CCDC57: variants seen among roughly 807,000 people sequenced by gnomAD.
The protein encoded by CCDC57 is coiled-coil domain-containing protein 57.
In CCDC57, 118 loss-of-function variants were observed where a neutral mutation model predicts 118.9. The observed-to-expected ratio is 0.99, with a 90% CI of 0.86 to 1.16. The LOEUF is 1.16. CCDC57 is among the 50% of genes most tolerant of loss of function. CCDC57 has a pLI of 0.00. For missense variants in CCDC57, 1,300 were observed against 1,320.7 expected, an observed-to-expected ratio of 0.98 and a Z score of 0.24; for synonymous variants, 527 against 532.9, an observed-to-expected ratio of 0.99 and a Z score of 0.15.
intron 16 of CCDC57, among the ~76,000 whole-genome samples, chr17:82,140,717 C>T (rs776800362): frequency 1.3e-5 from 2 of 152,180 alleles, no homozygotes; most frequent in Admixed American, 1.3e-4. Context: ...CCCATTTAGT[C>T]AGTCACCAGC....
chr17:82,138,720 CTG>C (rs1016317438), intron 16 of CCDC57, among the ~76,000 whole-genome samples: 4 of 87,120 alleles, frequency 4.6e-5, no homozygotes, highest in African/African-American at 1.6e-4. Context: ...CTGCCCCGGG[CTG>C]TGTGTGTCAG....
At chr17:82,152,629 C>T (rs926193863) in intron 15 of CCDC57, among the ~76,000 whole-genome samples, 1 of 152,258 alleles carries the variant, frequency 6.6e-6, no homozygotes, top group Non-Finnish European at 1.5e-5. Context: ...AGTGTCCAGG[C>T]CCTGGCAAGA....
exon 13 of CCDC57, chr17:82,171,782 C>G (rs1234345358): frequency 1.9e-6 from 3 of 1,613,996 alleles, no homozygotes; most frequent in Middle Eastern, 3.3e-4. Flanking sequence ...AACACATCTT[C>G]TAGATGCTTT....
intron 8 of CCDC57, 99 bp from the exon 8 acceptor site, chr17:82,184,031 G>GCGCGCGCGCGCACACACA: frequency 5.2e-4 from 69 of 131,850 alleles, no homozygotes; most frequent in Non-Finnish European, 8.4e-4. Context: ...GCGCGCGCGC[G>GCGCGCGCGCGCACACACA]CACACACACA....
chr17:82,197,734 G>T (rs1379136085), intron 4 of CCDC57, among the ~76,000 whole-genome samples: 1 of 152,170 alleles, frequency 6.6e-6, no homozygotes, highest in East Asian at 1.9e-4. Flanking sequence ...CCTGTGGATG[G>T]GCGTCATTCA....
At position 82,208,729 on chromosome 17, in the gene CCDC57, T is replaced by G. The variant is rs118123028; in HGVS notation, c.-210-681A>C. On this transcript the variant is annotated intron_variant, in intron 1 of 19. Coordinates refer to ENST00000665763, the Ensembl canonical transcript of CCDC57. Reference sequence around the variant, plus strand: ...TTTTAAATTTCTTGTAGAGATGGGGTTCCACTATATTGTCCAGCCTGGTCT... The same window carrying G: ...TTTTAAATTTCTTGTAGAGATGGGGGTCCACTATATTGTCCAGCCTGGTCT... 3.2e-3 allele frequency among the ~76,000 whole-genome samples: 491 copies of G among 151,942 alleles called. 14 individuals are homozygous for G. In the East Asian group the frequency reaches 0.082, roughly 25 times the overall value.
In CCDC57 at chr17:82,194,150, T is replaced by C. The variant is rs374234482; in HGVS notation, c.619-11A>G. The C allele has an allele frequency of 2.6e-4, 413 of 1,606,742 alleles. 1 individual carries two copies. The African/African-American group carries it at 4.6e-3, about 18-fold the overall frequency. Reference sequence around the variant, plus strand: ...GTGCAGTAGTTTAACCTTTGAATGATAAAAATGAGTTCAAAATGAGGTGAT... The same window carrying C: ...GTGCAGTAGTTTAACCTTTGAATGACAAAAATGAGTTCAAAATGAGGTGAT... On this transcript the variant is annotated splice_polypyrimidine_tract_variant and intron_variant, in intron 5 of 19. Transcript: ENST00000665763.
intron 16 of CCDC57, among the ~76,000 whole-genome samples, chr17:82,136,150 G>A (rs915140467): frequency 1.2e-4 from 19 of 152,096 alleles, no homozygotes; most frequent in African/African-American, 4.6e-4. Context: ...AATGTTCACA[G>A]CAATATTATT....
chr17:82,138,691 G>A (rs1023146440), intron 16 of CCDC57, among the ~76,000 whole-genome samples: 1 of 151,928 alleles, frequency 6.6e-6, no homozygotes, highest in African/African-American at 2.4e-5. Context: ...CCTGCCCCGG[G>A]TCGGAAGAGA....
intron 15 of CCDC57, chr17:82,154,334 C>T (rs972381887): frequency 6.6e-6 from 1 of 152,412 alleles, no homozygotes; most frequent in East Asian, 1.9e-4. Context: ...TGGCTAGGGC[C>T]GTGGAAGGGG....
At chr17:82,180,929 C>T (rs567800978) in intron 9 of CCDC57, among the ~76,000 whole-genome samples, 9 of 152,232 alleles carry the variant, frequency 5.9e-5, no homozygotes, top group Non-Finnish European at 1.2e-4. Flanking sequence ...GATGAACACA[C>T]GAGCGGTGCG....
exon 9 of CCDC57, chr17:82,183,916 A>G: frequency 6.2e-7 from 1 of 1,613,608 alleles, no homozygotes; most frequent in Non-Finnish European, 8.5e-7. Context: ...TTTACAGTTG[A>G]TGCATCTTCA....
At chr17:82,125,358 G>T (rs1322345326) in intron 19 of CCDC57, among the ~76,000 whole-genome samples, 1 of 151,804 alleles carries the variant, frequency 6.6e-6, no homozygotes, top group Non-Finnish European at 1.5e-5. Flanking sequence ...GGCAACATAG[G>T]GAGACACCAT....
Position 82,183,770 on chromosome 17 carries a change from T to C in CCDC57, c.1211+4A>G, listed in dbSNP as rs368509866. The C allele has an allele frequency of 1.5e-5, 23 of 1,553,822 alleles. No individual in the cohort carries two copies. The highest frequency in any genetic ancestry group is 1.7e-5 in the Non-Finnish European group (20 of 1,148,032). ...AATGGAAACATCTGCCTGGGGACAG[T>C]TACCTTTCAATGTCCTGCTGGGATC... is the stretch of plus-strand genomic sequence containing the variant. On this transcript the variant is annotated splice_donor_region_variant and intron_variant, in intron 9 of 19. Transcript: ENST00000665763.
chr17:82,171,640 G>A, intron 13 of CCDC57, 61 bp downstream of exon 12: 6 of 1,558,100 alleles, frequency 3.9e-6, no homozygotes, highest in African/African-American at 1.4e-5. Context: ...GCGGACTTTT[G>A]CAGGGGTCAG....
Position 82,178,670 on chromosome 17 carries a change from C to T in CCDC57, c.1375-65G>A, listed in dbSNP as rs909120173. On this transcript the variant is annotated intron_variant, in intron 10 of 19. Transcript: ENST00000665763. ...CGGGCAGCTCCCATGCCTGCTGAGG[C>T]TCCAATGGCACACATAGGTGGGAGA... is the stretch of plus-strand genomic sequence containing the variant. The T allele has an allele frequency of 5.1e-6, 8 of 1,576,988 alleles. No individual in the cohort carries two copies. The African/African-American group carries it at 1.1e-4, about 21-fold the overall frequency.
chr17:82,158,092 T>TGCCCTCA, intron 14 of CCDC57, 144 bp from the exon 14 acceptor site: 1 of 1,436,460 alleles, frequency 7.0e-7, no homozygotes, highest in Non-Finnish European at 9.1e-7. Flanking sequence ...TGGATGCAAC[T>TGCCCTCA]GCCCTCAGCC....
intron 19 of CCDC57, chr17:82,113,032 AT>A (rs2035402009): frequency 1.4e-5 from 4 of 276,006 alleles, no homozygotes; most frequent in African/African-American, 2.2e-5. Context: ...CGATTTGGTT[AT>A]TTCTTAATGT....
At chr17:82,166,168 A>G (rs548986376) in intron 13 of CCDC57, among the ~76,000 whole-genome samples, 2 of 152,250 alleles carry the variant, frequency 1.3e-5, no homozygotes, top group African/African-American at 4.8e-5. Context: ...GAAAATCTCA[A>G]TGTGAATGAA....
Sources: allele counts gnomAD v4.1 joint callset (sites outside exome capture counted in the v4.1 genomes callset), GRCh38; gene constraint gnomAD v4.1.1; transcripts MANE v1.5; gene names NCBI Gene and HGNC (gene_info 2026-07-23, HGNC 2026-07-21).